Variants in KCNK13 observed in about 807,000 individuals in gnomAD.
The protein encoded by KCNK13 is potassium channel subfamily K member 13.
Under a neutral mutation model 23.4 loss-of-function variants are expected in KCNK13, and 12 were observed. The observed-to-expected ratio is 0.51, with a 90% CI of 0.33 to 0.83. The LOEUF (loss-of-function observed/expected upper bound fraction) is 0.83. KCNK13 is among the 40% of genes least tolerant of loss of function. The pLI is 0.02. For synonymous variants in KCNK13, 231 were observed against 229.5 expected (o/e 1.01, Z -0.06); for missense variants, 463 against 556.3 (o/e 0.83, Z 1.69).
chr14:90,075,004 T>A (rs569762592), intron 1 of KCNK13, among the ~76,000 whole-genome samples: 211 of 152,336 alleles, frequency 1.4e-3, no homozygotes, highest in African/African-American at 4.4e-3. Context: ...TAATTTTTTT[T>A]AAATTAACCA....
At chr14:90,105,183 G>A (rs1189797216) in intron 1 of KCNK13, among the ~76,000 whole-genome samples, 3 of 152,136 alleles carry the variant, frequency 2.0e-5, no homozygotes, top group African/African-American at 7.2e-5. Flanking sequence ...GCATTCAGCA[G>A]CACCGTGTCT....
At chr14:90,164,573 A>G (rs576624097) in intron 1 of KCNK13, among the ~76,000 whole-genome samples, 2 of 152,316 alleles carry the variant, frequency 1.3e-5, no homozygotes, top group East Asian at 3.9e-4. Context: ...AGCAAATGTG[A>G]GGTGTGTGTC....
At position 90,126,442 on chromosome 14, in the gene KCNK13, T is replaced by TGTGAC. The variant is rs1292461928; in HGVS notation, c.335-57639_335-57635dup. 2.2e-3 allele frequency among the ~76,000 whole-genome samples: 202 copies of TGTGAC among 90,138 alleles called. 1 individual carries two copies. Among genetic ancestry groups the TGTGAC allele is most frequent in the Non-Finnish European group, 3.8e-3 (156 of 40,912 alleles). 59.1% of individuals were successfully genotyped at this position (90,138 alleles called of 152,430 possible). A position where few individuals can be genotyped will look rare whatever the true frequency, so the allele number is the denominator to read the frequency against. Reference sequence around the variant, plus strand: ...AGTGTATCCCCTTGATGTGACGTGATGTGACGTGACGTGACGTGACGTGAC... The same window carrying TGTGAC: ...AGTGTATCCCCTTGATGTGACGTGATGTGACGTGACGTGACGTGACGTGACGTGAC... On this transcript the variant is annotated intron_variant, in intron 1 of 1. Coordinates refer to ENST00000282146, the MANE Select transcript of KCNK13 (RefSeq NM_022054.4).
In KCNK13 at chr14:90,184,033, C is replaced by A; in HGVS notation, c.335-78C>A. The A allele has an allele frequency of 7.7e-7, 1 of 1,303,352 alleles. No homozygotes were observed. Among genetic ancestry groups the A allele is most frequent in the Non-Finnish European group, 1.1e-6 (1 of 935,376 alleles). 80.7% of individuals were successfully genotyped at this position (1,303,352 alleles called of 1,614,324 possible). The stretch of plus-strand genomic sequence containing the variant: ...ATGAAACTCTCTTTAGGTCCTTTGC[C>A]AGCCATCAAAGCCAAGACCTAGACC... On this transcript the variant is annotated intron_variant, in intron 1 of 1. Transcript: ENST00000282146. This position sits in a 1 kb window ranked among gnomAD's most constrained non-coding sequence, Gnocchi z 5.6.
intron 1 of KCNK13, among the ~76,000 whole-genome samples, chr14:90,087,995 T>G (rs1489081049): frequency 1.3e-5 from 2 of 152,148 alleles, no homozygotes; most frequent in Non-Finnish European, 2.9e-5. Context: ...GTTTATTTAT[T>G]TATTTATTTT....
At chr14:90,142,159 A>G (rs577296974) in intron 1 of KCNK13, among the ~76,000 whole-genome samples, 2 of 151,942 alleles carry the variant, frequency 1.3e-5, no homozygotes, top group African/African-American at 4.8e-5. Context: ...TGTCACTACA[A>G]ATTACTTTGC....
chr14:90,157,795 A>AG (rs1890211638), intron 1 of KCNK13, among the ~76,000 whole-genome samples: 1 of 137,412 alleles, frequency 7.3e-6, no homozygotes, highest in South Asian at 2.3e-4. Context: ...TCTGCCTCCC[A>AG]GTTCAAGCAA....
intron 1 of KCNK13, among the ~76,000 whole-genome samples, chr14:90,080,864 T>C (rs746587842): frequency 9.9e-5 from 15 of 152,172 alleles, no homozygotes; most frequent in Non-Finnish European, 2.2e-4. Flanking sequence ...TCAACACAAC[T>C]GGCATTTTGG....
chr14:90,164,457 A>G (rs1890281568), intron 1 of KCNK13, among the ~76,000 whole-genome samples: 1 of 152,214 alleles, frequency 6.6e-6, no homozygotes, highest in Non-Finnish European at 1.5e-5. Context: ...AAAGAAATGG[A>G]AGGAAGGGGG....
Position 90,085,809 on chromosome 14 carries a change from ATATTATATAT to A in KCNK13, c.334+23274_334+23283del, listed in dbSNP as rs1365163388. On this transcript the variant is annotated intron_variant, in intron 1 of 1. Coordinates refer to ENST00000282146, the MANE Select transcript of KCNK13 (RefSeq NM_022054.4). ...TATTATATACTTTATATTATATATT[ATATTATATAT>A]TATATATTATATATTATATAGATAT... Among the ~76,000 whole-genome samples the A allele has an allele frequency of 5.0e-4, 9 of 17,824 alleles. No individual in the cohort carries two copies. In the African/African-American group the frequency reaches 6.2e-3, roughly 12 times the overall value. The allele number at this position is 17,824 out of a possible 152,430, so 11.7% of individuals were successfully genotyped here. A position where few individuals can be genotyped will look rare whatever the true frequency, so the allele number is the denominator to read the frequency against.
chr14:90,169,913 A>G (rs763584264), intron 1 of KCNK13, among the ~76,000 whole-genome samples: 1 of 152,202 alleles, frequency 6.6e-6, no homozygotes, highest in Non-Finnish European at 1.5e-5. Context: ...GGTAGGAGGA[A>G]GAGAGCATTC....
intron 1 of KCNK13, among the ~76,000 whole-genome samples, chr14:90,104,875 T>A (rs1889525421): frequency 6.8e-6 from 1 of 147,930 alleles, no homozygotes; most frequent in Non-Finnish European, 1.5e-5. Flanking sequence ...CTGCAACCTC[T>A]ACCTCCCAGG....
At chr14:90,087,666 C>T (rs1336582106) in intron 1 of KCNK13, among the ~76,000 whole-genome samples, 2 of 152,200 alleles carry the variant, frequency 1.3e-5, no homozygotes, top group Non-Finnish European at 2.9e-5. Context: ...GATTCAGAAG[C>T]CATTTCAGGA....
intron 1 of KCNK13, among the ~76,000 whole-genome samples, chr14:90,085,792 ACT>A (rs1425381435): frequency 2.2e-5 from 2 of 90,696 alleles, no homozygotes; most frequent in African/African-American, 9.6e-5. Context: ...TATATTATAT[ACT>A]TTATATTATA....
At chr14:90,136,328 T>C (rs553120668) in intron 1 of KCNK13, among the ~76,000 whole-genome samples, 2 of 152,094 alleles carry the variant, frequency 1.3e-5, no homozygotes, top group Non-Finnish European at 2.9e-5. Flanking sequence ...GACAGGTAGA[T>C]GGAAGCAGGT....
chr14:90,068,395 A>T (rs1177676072), intron 1 of KCNK13, among the ~76,000 whole-genome samples: 3 of 152,010 alleles, frequency 2.0e-5, no homozygotes, highest in Non-Finnish European at 4.4e-5. Context: ...AGGAGTTCGA[A>T]ACCAGCCTGG....
intron 1 of KCNK13, among the ~76,000 whole-genome samples, chr14:90,139,819 G>A (rs572076559): frequency 5.9e-5 from 9 of 152,164 alleles, no homozygotes; most frequent in African/African-American, 9.6e-5. Context: ...AAAATTAGCC[G>A]GGCGTCATGG....
intron 1 of KCNK13, among the ~76,000 whole-genome samples, chr14:90,127,146 C>T (rs998222321): frequency 5.3e-5 from 8 of 152,122 alleles, no homozygotes; most frequent in African/African-American, 1.9e-4. Context: ...ATGTTAATAA[C>T]AGGGCAAACT....
intron 1 of KCNK13, among the ~76,000 whole-genome samples, chr14:90,145,146 G>A (rs1890058844): frequency 1.3e-5 from 2 of 152,140 alleles, no homozygotes; most frequent in African/African-American, 4.8e-5. Context: ...AGTGGCTCAT[G>A]CCTGTAATCC....
Sources: allele counts gnomAD v4.1 joint callset (sites outside exome capture counted in the v4.1 genomes callset), GRCh38; gene constraint gnomAD v4.1.1; non-coding constraint Gnocchi (gnomAD v3.1); transcripts MANE v1.5; gene names NCBI Gene and HGNC (gene_info 2026-07-23, HGNC 2026-07-21).